The following KIFAP3 variants were observed in gnomAD, a reference collection of about 807,000 sequenced individuals.
The protein encoded by KIFAP3 is kinesin-associated protein 3.
A neutral mutation model predicts 106.5 loss-of-function variants in KIFAP3; 68 were observed. The observed-to-expected ratio is 0.64, with a 90% CI of 0.53 to 0.78. KIFAP3 has a LOEUF of 0.78. Ranked by LOEUF, KIFAP3 falls within the 30% of genes least tolerant of loss-of-function variation. The pLI, the probability that KIFAP3 is intolerant of heterozygous loss-of-function variation, is 0.00. For synonymous variants in KIFAP3, 320 were observed against 311.5 expected, an observed-to-expected ratio of 1.03 and a Z score of -0.29; for missense variants, 780 against 941.8, an observed-to-expected ratio of 0.83 and a Z score of 2.25.
chr1:169,967,027 T>C (rs867446660), intron 17 of KIFAP3, among the ~76,000 whole-genome samples: 72 of 73,882 alleles, frequency 9.7e-4, no homozygotes, highest in African/African-American at 7.6e-4. Context: ...CCAGATTTCT[T>C]GAAAATGAAA....
At chr1:169,930,893 C>T (rs1663426299) in intron 19 of KIFAP3, among the ~76,000 whole-genome samples, 2 of 147,402 alleles carry the variant, frequency 1.4e-5, no homozygotes, top group African/African-American at 5.1e-5. Flanking sequence ...GCTGGAAGTC[C>T]TTTTCATTTT....
At position 170,038,337 on chromosome 1, in the gene KIFAP3, A is replaced by G. The variant is rs754631620; in HGVS notation, c.470T>C (p.Leu157Pro). The G allele has an allele frequency of 1.9e-6, 3 of 1,609,200 alleles. No individual in the cohort carries two copies. The highest frequency in any genetic ancestry group is 8.5e-7 in the Non-Finnish European group (1 of 1,179,104). Residue 157 changes from leucine (L) to proline (P), a missense_variant, in exon 5 of 20, where the codon CTG becomes CCG. Coordinates refer to ENST00000361580, the MANE Select transcript of KIFAP3 (RefSeq NM_014970.4). ...PDKVRGSALI[L>P]QLARNPDNLE... ...GTTATCAGGATTTCGAGCAAGCTGC[A>G]GGATCAAAGCAGAACCCCGAACTTT...
At chr1:169,935,993 A>C (rs919762072) in intron 19 of KIFAP3, among the ~76,000 whole-genome samples, 1 of 151,962 alleles carries the variant, frequency 6.6e-6, no homozygotes, top group Non-Finnish European at 1.5e-5. Context: ...CTACAGGTAA[A>C]TTCTATAAGA....
intron 3 of KIFAP3, among the ~76,000 whole-genome samples, chr1:170,042,325 A>C (rs1359678850): frequency 6.6e-6 from 1 of 152,166 alleles, no homozygotes; most frequent in Non-Finnish European, 1.5e-5. Flanking sequence ...CTCTTTTGGA[A>C]GCCACAGTTT....
Position 169,961,079 on chromosome 1 carries a change from T to C in KIFAP3, c.2140A>G (p.Ile714Val), listed in dbSNP as rs1210274756. 1 of 1,613,020 alleles carries C rather than the reference T, an allele frequency of 6.2e-7. No homozygotes were observed. Among genetic ancestry groups the C allele is most frequent in the Middle Eastern group, 1.7e-4 (1 of 6,058 alleles). ...TAGAAAAGGTCAGGTCTTTCGAGAA[T>C]ATCTCCTTCATGAATGTATGGCTCA... Reference protein sequence around the residue: ...RIEPYIHEGDILERPDLFYNS... With the variant: ...RIEPYIHEGDVLERPDLFYNS... Residue 714 changes from isoleucine to valine, a missense_variant, in exon 18 of 20, where the codon ATT (isoleucine) becomes GTT (valine). Ile to Val is a conservative substitution (Grantham distance 29, BLOSUM62 3). Coordinates refer to ENST00000361580, the MANE Select transcript of KIFAP3 (RefSeq NM_014970.4).
intron 11 of KIFAP3, among the ~76,000 whole-genome samples, chr1:169,990,480 T>C (rs1001007296): frequency 3.0e-4 from 46 of 152,134 alleles, no homozygotes; most frequent in African/African-American, 1.0e-3. Flanking sequence ...GTGAAGTTTT[T>C]ACACAGAGTA....
chr1:170,051,348 A>G (rs1670566215), intron 2 of KIFAP3, among the ~76,000 whole-genome samples: 1 of 149,392 alleles, frequency 6.7e-6, no homozygotes, highest in African/African-American at 2.5e-5. Context: ...ACAAGTTCTT[A>G]GAGACCTACA....
intron 8 of KIFAP3, among the ~76,000 whole-genome samples, chr1:170,031,537 A>G (rs1456042883): frequency 1.3e-5 from 2 of 151,804 alleles, no homozygotes; most frequent in African/African-American, 4.8e-5. Context: ...AAATGTTTAT[A>G]TCAATTTCCT....
chr1:169,961,617 A>G (rs943555013), intron 17 of KIFAP3, among the ~76,000 whole-genome samples: 1 of 152,108 alleles, frequency 6.6e-6, no homozygotes, highest in African/African-American at 2.4e-5. Flanking sequence ...GTCCACTTAT[A>G]CACGGATTTT....
At chr1:169,935,128 A>G (rs904699321) in intron 19 of KIFAP3, among the ~76,000 whole-genome samples, 5 of 152,104 alleles carry the variant, frequency 3.3e-5, no homozygotes, top group Non-Finnish European at 5.9e-5. Context: ...TTTTATAAAA[A>G]TATTTTTTGA....
intron 10 of KIFAP3, among the ~76,000 whole-genome samples, chr1:170,003,691 G>A (rs1460743934): frequency 6.6e-6 from 1 of 152,212 alleles, no homozygotes; most frequent in Non-Finnish European, 1.5e-5. Flanking sequence ...CACCCAGTTC[G>A]AGCTTGATGG....
chr1:169,984,723 G>C, intron 11 of KIFAP3, 33 bp from the exon 12 acceptor site: 2 of 1,236,706 alleles, frequency 1.6e-6, no homozygotes, highest in Non-Finnish European at 2.3e-6. Context: ...TTTTACTCAA[G>C]AAACAAAGAC....
intron 15 of KIFAP3, 135 bp from the exon 16 acceptor site, chr1:169,978,318 C>A: frequency 1.0e-5 from 6 of 578,132 alleles, no homozygotes; most frequent in Non-Finnish European, 1.8e-5. Flanking sequence ...GATTTAACTT[C>A]TATGTTCCTA....
intron 4 of KIFAP3, among the ~76,000 whole-genome samples, chr1:170,038,969 G>C (rs1267751114): frequency 1.3e-5 from 2 of 152,156 alleles, no homozygotes; most frequent in Non-Finnish European, 2.9e-5. Context: ...TGTAATCCCA[G>C]CTACTCAGGA....
In KIFAP3 at chr1:170,024,616, G is replaced by A. The variant is rs752768480; in HGVS notation, c.842-20C>T. On this transcript the variant is annotated intron_variant, in intron 8 of 19. Transcript: ENST00000361580. Reference sequence around the variant, plus strand: ...GAGCAACTAGAAAAGTAAAATATATGAGAGATAAAGAATTAGTATACTGAA... The same window carrying A: ...GAGCAACTAGAAAAGTAAAATATATAAGAGATAAAGAATTAGTATACTGAA... 5 of 1,420,136 alleles carry A rather than the reference G, an allele frequency of 3.5e-6. No homozygotes were observed. Among genetic ancestry groups the A allele is most frequent in the South Asian group, 2.9e-5 (2 of 69,666 alleles). The allele number at this position is 1,420,136 out of a possible 1,614,324, so 88.0% of individuals were successfully genotyped here.
intron 1 of KIFAP3, among the ~76,000 whole-genome samples, chr1:170,074,178 G>T (rs1448822502): frequency 6.6e-6 from 1 of 151,924 alleles, no homozygotes; most frequent in African/African-American, 2.4e-5. Flanking sequence ...TCTCCCCCTG[G>T]AATAAGGTGA....
At chr1:169,933,088 C>G (rs185986698) in intron 19 of KIFAP3, among the ~76,000 whole-genome samples, 5 of 152,058 alleles carry the variant, frequency 3.3e-5, no homozygotes, top group African/African-American at 1.2e-4. Flanking sequence ...AAAAGTGCAT[C>G]TTTTTAAACA....
At chr1:169,932,733 A>T (rs1273333043) in intron 19 of KIFAP3, among the ~76,000 whole-genome samples, 3 of 151,492 alleles carry the variant, frequency 2.0e-5, no homozygotes, top group Non-Finnish European at 4.4e-5. Flanking sequence ...TTTTTTGTTA[A>T]AACTCATGTC....
At chr1:169,974,964 A>G (rs1349586266) in intron 16 of KIFAP3, among the ~76,000 whole-genome samples, 1 of 152,112 alleles carries the variant, frequency 6.6e-6, no homozygotes, top group Non-Finnish European at 1.5e-5. Flanking sequence ...ATGGTGTAGT[A>G]TCTGCATATG....
Sources: allele counts gnomAD v4.1 joint callset (sites outside exome capture counted in the v4.1 genomes callset), GRCh38; gene constraint gnomAD v4.1.1; transcripts MANE v1.5; gene names NCBI Gene and HGNC (gene_info 2026-07-23, HGNC 2026-07-21).